PROM1: variants seen among roughly 807,000 people sequenced by gnomAD.
PROM1 encodes the protein prominin 1, also known as prominin-1.
Under a neutral mutation model 116.9 loss-of-function variants are expected in PROM1, and 105 were observed. That is an observed-to-expected ratio of 0.90 (90% CI 0.77 to 1.06). PROM1 has a LOEUF of 1.06. Among genes scored for constraint, PROM1 ranks in the 50% least tolerant of loss-of-function variants. The probability of loss-of-function intolerance (pLI) is 0.00; values close to 1 mark genes in which losing one functional copy is unlikely to be tolerated. For synonymous variants in PROM1, 393 were observed against 387.0 expected, an observed-to-expected ratio of 1.02 and a Z score of -0.18; for missense variants, 1,122 against 1,045.2, an observed-to-expected ratio of 1.07 and a Z score of -1.01.
At chr4:16,068,273 C>CA (rs1742018781) in intron 2 of PROM1, among the ~76,000 whole-genome samples, 1 of 152,164 alleles carries the variant, frequency 6.6e-6, no homozygotes, top group African/African-American at 2.4e-5. Context: ...TAGGCCCCAA[C>CA]AGAGCAGAAT....
chr4:15,980,942 AGTT>A (rs1000926859), intron 23 of PROM1, among the ~76,000 whole-genome samples: 8 of 77,698 alleles, frequency 1.0e-4, no homozygotes, highest in Admixed American at 2.2e-4. Context: ...CCCTCTTATG[AGTT>A]GTTATTTATT....
chr4:16,043,858 G>A (rs1735900790), intron 2 of PROM1, among the ~76,000 whole-genome samples: 1 of 152,192 alleles, frequency 6.6e-6, no homozygotes, highest in Non-Finnish European at 1.5e-5. Context: ...GAGCAGCCCT[G>A]TGAACTTCAG....
At position 15,979,369 on chromosome 4, in the gene PROM1, G is replaced by T. The variant is rs747047543; in HGVS notation, c.2582+26C>A. On this transcript the variant is annotated intron_variant, in intron 26 of 27. Coordinates refer to ENST00000447510, the MANE Select transcript of PROM1 (RefSeq NM_006017.3). Reference sequence around the variant, plus strand: ...GATGAGACGGTTTATCATAGGGCGGGCATGCACTTCCAGACTTTGCTTTAC... The same window carrying T: ...GATGAGACGGTTTATCATAGGGCGGTCATGCACTTCCAGACTTTGCTTTAC... The T allele has an allele frequency of 3.7e-6, 6 of 1,613,466 alleles. No individual in the cohort carries two copies. In the South Asian group the frequency reaches 6.6e-5, roughly 18 times the overall value.
intron 26 of PROM1, among the ~76,000 whole-genome samples, chr4:15,975,800 TC>T (rs1190113600): frequency 1.3e-5 from 2 of 152,186 alleles, no homozygotes; most frequent in Admixed American, 1.3e-4. Context: ...TTGCCAGGGT[TC>T]CCACTGGAGG....
At chr4:15,978,809 T>C (rs929215516) in intron 26 of PROM1, among the ~76,000 whole-genome samples, 1 of 152,158 alleles carries the variant, frequency 6.6e-6, no homozygotes. Context: ...TCTGAATTCT[T>C]AGTAGAGCCT....
chr4:16,082,064 C>A (rs1235504903), intron 1 of PROM1: 1 of 152,132 alleles, frequency 6.6e-6, no homozygotes, highest in Non-Finnish European at 1.5e-5. Context: ...AGGAGGATTT[C>A]GCATAGGGTT....
chr4:16,016,327 G>C (rs1222713445), intron 9 of PROM1, 87 bp from the exon 10 acceptor site: 1 of 1,094,284 alleles, frequency 9.1e-7, no homozygotes, highest in African/African-American at 1.6e-5. Flanking sequence ...TATATTCCAA[G>C]TCCCAAAGCA....
chr4:15,998,242 G>C lies in PROM1; in HGVS notation c.1682+143C>G, dbSNP rs986981547. The C allele has an allele frequency of 4.9e-5, 62 of 1,262,696 alleles. 1 individual carries two copies. The South Asian group carries it at 1.1e-3, about 22-fold the overall frequency. The allele number at this position is 1,262,696 out of a possible 1,614,324, so 78.2% of individuals were successfully genotyped here. On this transcript the variant is annotated intron_variant, in intron 15 of 27. Coordinates refer to ENST00000447510, the MANE Select transcript of PROM1 (RefSeq NM_006017.3). The stretch of plus-strand genomic sequence containing the variant: ...ATATATTTTTGATCTAATTTCTACT[G>C]TGTCTTTAAAATAATACAGGACAGC...
chr4:16,022,526 T>C (rs1730165725), intron 8 of PROM1, among the ~76,000 whole-genome samples: 1 of 152,204 alleles, frequency 6.6e-6, no homozygotes, highest in Non-Finnish European at 1.5e-5. Context: ...CTATAAGGCA[T>C]GCCAAAAGGA....
At chr4:16,026,900 G>A (rs554830949) in intron 5 of PROM1, among the ~76,000 whole-genome samples, 8 of 152,056 alleles carry the variant, frequency 5.3e-5, no homozygotes, top group Non-Finnish European at 7.4e-5. Context: ...TGCCACCACC[G>A]TACTGTACAA....
chr4:15,970,554 G>C (rs1714247099), intron 27 of PROM1, among the ~76,000 whole-genome samples: 2 of 151,684 alleles, frequency 1.3e-5, no homozygotes, highest in South Asian at 4.2e-4. Context: ...CTCACTGTGT[G>C]TGTGTATATA....
intron 2 of PROM1, among the ~76,000 whole-genome samples, chr4:16,059,690 C>G (rs1279454374): frequency 2.6e-5 from 4 of 152,112 alleles, no homozygotes; most frequent in Non-Finnish European, 5.9e-5. Flanking sequence ...AGTGAAAAGT[C>G]ACTTAGTGCA....
chr4:16,020,885 C>T (rs2149318320), intron 8 of PROM1, among the ~76,000 whole-genome samples: 2 of 152,202 alleles, frequency 1.3e-5, no homozygotes, highest in South Asian at 4.1e-4. Context: ...TCAGTCCAGG[C>T]CCACCAGGAT....
intron 13 of PROM1, 101 bp downstream of exon 13, chr4:16,006,437 A>C: frequency 1.5e-6 from 2 of 1,355,012 alleles, no homozygotes; most frequent in East Asian, 5.1e-5. Flanking sequence ...AACCCCGCGT[A>C]CGTGGCCCAG....
chr4:15,990,590 C>T (rs886094644), intron 18 of PROM1, among the ~76,000 whole-genome samples: 1 of 152,108 alleles, frequency 6.6e-6, no homozygotes, highest in East Asian at 1.9e-4. Context: ...GGAAACAGAT[C>T]CAGAGCTAAA....
chr4:16,071,591 A>G (rs1742835652), intron 2 of PROM1, among the ~76,000 whole-genome samples: 1 of 152,154 alleles, frequency 6.6e-6, no homozygotes, highest in African/African-American at 2.4e-5. Context: ...TTAGAGAAAG[A>G]GAAGATATCT....
chr4:16,006,715 T>C (rs1431265899), intron 12 of PROM1, 25 bp from the exon 13 acceptor site: 1 of 1,610,092 alleles, frequency 6.2e-7, no homozygotes. Flanking sequence ...ACAGTGTTAG[T>C]ATACATGACA....
chr4:16,016,742 T>G (rs1728495056), intron 9 of PROM1, among the ~76,000 whole-genome samples: 1 of 152,180 alleles, frequency 6.6e-6, no homozygotes, highest in African/African-American at 2.4e-5. Context: ...CTGTGATAGT[T>G]CCCTGGCAAA....
chr4:16,022,496 C>T (rs1730158233), intron 8 of PROM1, among the ~76,000 whole-genome samples: 1 of 152,200 alleles, frequency 6.6e-6, no homozygotes, highest in African/African-American at 2.4e-5. Flanking sequence ...AGTTTCTGCA[C>T]ATTTGTCTCA....
Sources: gnomAD v4.1 joint callset for allele counts (sites outside exome capture counted in the v4.1 genomes callset) on GRCh38, gnomAD v4.1.1 for gene constraint, MANE v1.5 for transcripts, NCBI Gene and HGNC (gene_info 2026-07-23, HGNC 2026-07-21) for gene names.